PCCA: variants seen among roughly 807,000 people sequenced by gnomAD.
The protein encoded by PCCA is propionyl-CoA carboxylase subunit alpha, also known as propionyl-CoA carboxylase alpha chain, mitochondrial.
PCCA carries 74 observed loss-of-function variants against 101.3 expected under a neutral mutation model. The observed-to-expected ratio is 0.73, with a 90% confidence interval of 0.61 to 0.89. PCCA has a LOEUF of 0.89. Ranked by LOEUF, PCCA falls within the 40% of genes least tolerant of loss-of-function variation. The pLI is 0.00. For missense variants in PCCA, 891 were observed against 907.0 expected (o/e 0.98, Z 0.23); for synonymous variants, 294 against 313.6 (o/e 0.94, Z 0.66).
At chr13:100,489,319 AG>A (rs2084699288) in intron 21 of PCCA, among the ~76,000 whole-genome samples, 1 of 150,850 alleles carries the variant, frequency 6.6e-6, no homozygotes, top group African/African-American at 2.5e-5. Flanking sequence ...AAAAAAAAAA[AG>A]TTTTATCGGA....
intron 6 of PCCA, among the ~76,000 whole-genome samples, chr13:100,204,461 G>T (rs2152470283): frequency 6.6e-6 from 1 of 152,220 alleles, no homozygotes; most frequent in Admixed American, 6.5e-5. Context: ...TTTTTCTTCT[G>T]ACCCTGGTTT....
At chr13:100,129,802 G>T (rs2050314619) in intron 4 of PCCA, among the ~76,000 whole-genome samples, 1 of 152,174 alleles carries the variant, frequency 6.6e-6, no homozygotes, top group Non-Finnish European at 1.5e-5. Flanking sequence ...TTCACCAGTG[G>T]CTCTGGCTCT....
At chr13:100,277,964 A>G (rs534066452) in intron 12 of PCCA, among the ~76,000 whole-genome samples, 14 of 152,330 alleles carry the variant, frequency 9.2e-5, no homozygotes, top group African/African-American at 3.1e-4. Flanking sequence ...ATCTAGATGC[A>G]TTTTGAGACT....
chr13:100,459,347 C>T (rs1248131625), intron 21 of PCCA, among the ~76,000 whole-genome samples: 1 of 152,184 alleles, frequency 6.6e-6, no homozygotes, highest in Non-Finnish European at 1.5e-5. Context: ...GCCTACTTGA[C>T]ACACATGTAA....
At chr13:100,527,238 ACT>A (rs149921160) in intron 22 of PCCA, 1 of 460,486 alleles carries the variant, frequency 2.2e-6, no homozygotes, top group Non-Finnish European at 4.5e-6. Context: ...CATTTTTATC[ACT>A]CTCAAAAGAA....
intron 18 of PCCA, among the ~76,000 whole-genome samples, chr13:100,344,734 G>A (rs2071929167): frequency 6.6e-6 from 1 of 152,114 alleles, no homozygotes; most frequent in South Asian, 2.1e-4. Flanking sequence ...ATTGTCCTTT[G>A]CTTTATTGCA....
chr13:100,290,492 A>G (rs2065041720), intron 12 of PCCA, among the ~76,000 whole-genome samples: 1 of 152,182 alleles, frequency 6.6e-6, no homozygotes, highest in African/African-American at 2.4e-5. Flanking sequence ...GATTACAGGC[A>G]TGAGCCGTTG....
At chr13:100,218,244 T>A (rs1231090976) in intron 7 of PCCA, among the ~76,000 whole-genome samples, 5 of 151,982 alleles carry the variant, frequency 3.3e-5, no homozygotes, top group Non-Finnish European at 7.4e-5. Context: ...GGCGTGATCT[T>A]GACTCACTGC....
intron 9 of PCCA, among the ~76,000 whole-genome samples, chr13:100,257,953 A>T (rs2062191125): frequency 6.6e-6 from 1 of 152,106 alleles, no homozygotes; most frequent in Admixed American, 6.6e-5. Flanking sequence ...TACAGTCAGG[A>T]TTCTATTTTC....
rs5806162 is a variant in PCCA at position 100,443,654 on chromosome 13, A to AT, written c.1846-5585dup. On this transcript the variant is annotated intron_variant, in intron 20 of 23. Coordinates refer to ENST00000376285, the MANE Select transcript of PCCA (RefSeq NM_000282.4). ...CGCAGCAGTTCAGTGGGTTATTGTG[A>AT]TTTTTTTTTTTTTAATCTCAGGACC... Among the ~76,000 whole-genome samples the AT allele has an allele frequency of 4.7e-5, 7 of 149,326 alleles. No individual in the cohort carries two copies. The South Asian group carries it at 6.4e-4, about 14-fold the overall frequency.
At chr13:100,431,823 G>A (rs780987595) in intron 20 of PCCA, among the ~76,000 whole-genome samples, 23 of 151,932 alleles carry the variant, frequency 1.5e-4, no homozygotes, top group South Asian at 4.2e-4. Flanking sequence ...CTGAGATCGC[G>A]CCACTGCACT....
chr13:100,335,188 C>T (rs551142264), intron 17 of PCCA, among the ~76,000 whole-genome samples: 1 of 152,152 alleles, frequency 6.6e-6, no homozygotes, highest in Non-Finnish European at 1.5e-5. Context: ...GGATTCAGAA[C>T]TATTTTACCA....
In PCCA at chr13:100,279,203, T is replaced by G. The variant is rs80150812; in HGVS notation, c.1065+5857T>G. Among the ~76,000 whole-genome samples the G allele has an allele frequency of 9.2e-3, 1,398 of 152,368 alleles. 19 individuals carry two copies. Among genetic ancestry groups the G allele is most frequent in the African/African-American group, 0.031 (1,271 of 41,590 alleles). On this transcript the variant is annotated intron_variant, in intron 12 of 23. Coordinates refer to ENST00000376285, the MANE Select transcript of PCCA (RefSeq NM_000282.4). The stretch of plus-strand genomic sequence containing the variant: ...TAAGCGTGCTATTTTAATAGCATTC[T>G]ATGATATTTAACATCATACTTTGAG...
intron 21 of PCCA, among the ~76,000 whole-genome samples, chr13:100,493,235 C>T (rs1311467010): frequency 6.6e-6 from 1 of 152,222 alleles, no homozygotes; most frequent in Admixed American, 6.5e-5. Flanking sequence ...GCCAAGCAAA[C>T]GAGCTTCACC....
chr13:100,141,482 C>T (rs1383206595), intron 4 of PCCA, among the ~76,000 whole-genome samples: 1 of 152,130 alleles, frequency 6.6e-6, no homozygotes, highest in Non-Finnish European at 1.5e-5. Context: ...GTGATCTCGG[C>T]TCACTGCAAC....
intron 16 of PCCA, among the ~76,000 whole-genome samples, chr13:100,315,816 CA>C (rs1175672249): frequency 1.3e-5 from 2 of 152,120 alleles, no homozygotes; most frequent in African/African-American, 2.4e-5. Flanking sequence ...CCACACCTCC[CA>C]GTCATAATTT....
intron 4 of PCCA, among the ~76,000 whole-genome samples, chr13:100,136,183 GTTTT>G (rs35796452): frequency 2.0e-5 from 2 of 102,516 alleles, no homozygotes; most frequent in Admixed American, 1.1e-4. Context: ...GTATAAAATT[GTTTT>G]TTTTTTTTTT....
At chr13:100,347,796 A>G (rs1206142754) in intron 18 of PCCA, among the ~76,000 whole-genome samples, 1 of 152,238 alleles carries the variant, frequency 6.6e-6, no homozygotes, top group African/African-American at 2.4e-5. Context: ...TTTATTTTCT[A>G]TACAACAAGC....
intron 21 of PCCA, among the ~76,000 whole-genome samples, chr13:100,472,416 G>A (rs2083090920): frequency 6.6e-6 from 1 of 152,154 alleles, no homozygotes; most frequent in African/African-American, 2.4e-5. Flanking sequence ...TTTGCAGGGT[G>A]TTTGGAAAGG....
Sources: gnomAD v4.1 joint callset for allele counts (sites outside exome capture counted in the v4.1 genomes callset) on GRCh38, gnomAD v4.1.1 for gene constraint, MANE v1.5 for transcripts, NCBI Gene and HGNC (gene_info 2026-07-23, HGNC 2026-07-21) for gene names.